EXOC4: variants seen among roughly 807,000 people sequenced by gnomAD.
EXOC4 encodes the protein exocyst complex component 4.
Under a neutral mutation model 107.2 loss-of-function variants are expected in EXOC4, and 71 were observed. The observed-to-expected ratio is 0.66, with a 90% CI of 0.55 to 0.81. EXOC4 has a LOEUF of 0.81. EXOC4 is among the 30% of genes least tolerant of loss of function. The probability of loss-of-function intolerance (pLI) is 0.00; values close to 1 mark genes in which losing one functional copy is unlikely to be tolerated. For synonymous variants in EXOC4, 456 were observed against 441.2 expected, an observed-to-expected ratio of 1.03 and a Z score of -0.42; for missense variants, 1,108 against 1,189.6, an observed-to-expected ratio of 0.93 and a Z score of 1.01.
chr7:133,453,208 T>C (rs1314290594), intron 7 of EXOC4, among the ~76,000 whole-genome samples: 2 of 152,250 alleles, frequency 1.3e-5, no homozygotes, highest in African/African-American at 2.4e-5. Context: ...ATATTTCTAC[T>C]TCTCACAGTA....
Position 133,871,791 on chromosome 7 carries a change from T to C in EXOC4, c.1735-23808T>C, listed in dbSNP as rs1048862212. Among the ~76,000 whole-genome samples, 3 of 152,198 alleles carry C rather than the reference T, an allele frequency of 2.0e-5. No individual in the cohort carries two copies. The South Asian group carries it at 6.2e-4, about 32-fold the overall frequency. On this transcript the variant is annotated intron_variant, in intron 11 of 17. Coordinates refer to ENST00000253861, the MANE Select transcript of EXOC4 (RefSeq NM_021807.4). ...TGTTACCTTGGGGTTGTTACTGAACTTTTTGTGCCTCAGTTTTATTATCTG... is the reference window on the plus strand; with the variant it reads ...TGTTACCTTGGGGTTGTTACTGAACCTTTTGTGCCTCAGTTTTATTATCTG...
chr7:133,374,753 T>C, intron 6 of EXOC4, 75 bp from the exon 7 acceptor site: 2 of 1,228,728 alleles, frequency 1.6e-6, no homozygotes, highest in Non-Finnish European at 2.3e-6. Flanking sequence ...TTTGATGTTT[T>C]TCTTGCAGGT....
At chr7:133,648,091 T>G (rs923842868) in intron 10 of EXOC4, among the ~76,000 whole-genome samples, 1 of 152,176 alleles carries the variant, frequency 6.6e-6, no homozygotes, top group African/African-American at 2.4e-5. Flanking sequence ...CTCGCATAAC[T>G]TAAGGACTTT....
intron 9 of EXOC4, among the ~76,000 whole-genome samples, chr7:133,499,269 A>C (rs1799534287): frequency 6.6e-6 from 1 of 152,152 alleles, no homozygotes; most frequent in East Asian, 1.9e-4. Flanking sequence ...GCAGTCAGGG[A>C]CCAAGTCAGT....
intron 7 of EXOC4, among the ~76,000 whole-genome samples, chr7:133,401,471 T>A (rs569117053): frequency 4.3e-4 from 65 of 151,998 alleles, no homozygotes; most frequent in African/African-American, 1.5e-3. Flanking sequence ...GACCAGCCTG[T>A]GCAATATACT....
chr7:133,393,125 CAGT>C (rs902978715), intron 7 of EXOC4, among the ~76,000 whole-genome samples: 5 of 152,148 alleles, frequency 3.3e-5, no homozygotes, highest in Non-Finnish European at 7.3e-5. Context: ...TGATATGCTC[CAGT>C]CCTCTGTCTT....
chr7:133,805,340 A>G (rs1394894200), intron 10 of EXOC4, among the ~76,000 whole-genome samples: 1 of 152,224 alleles, frequency 6.6e-6, no homozygotes, highest in Non-Finnish European at 1.5e-5. Context: ...CCACATGATC[A>G]TTATAAGAAA....
the EXOC4 span, among the ~76,000 whole-genome samples, chr7:134,086,419 G>C: frequency 1.2e-4 from 18 of 152,230 alleles, no homozygotes; most frequent in Non-Finnish European, 1.5e-4. Flanking sequence ...ATTCCTTTCA[G>C]GCTCTGTGCA....
intron 17 of EXOC4, among the ~76,000 whole-genome samples, chr7:134,063,015 C>G (rs1338815639): frequency 6.6e-6 from 1 of 152,234 alleles, no homozygotes; most frequent in Non-Finnish European, 1.5e-5. Context: ...TTGATTGTCA[C>G]AGTAATCTTC....
chr7:133,752,905 C>G (rs1208331328), intron 10 of EXOC4, among the ~76,000 whole-genome samples: 1 of 152,204 alleles, frequency 6.6e-6, no homozygotes, highest in African/African-American at 2.4e-5. Context: ...TTTGACCGCT[C>G]CACTGGCTCT....
chr7:133,310,354 C>T (rs1794843468), intron 4 of EXOC4, among the ~76,000 whole-genome samples: 1 of 152,110 alleles, frequency 6.6e-6, no homozygotes, highest in South Asian at 2.1e-4. Context: ...GAAACTGTGA[C>T]TTTAAGTGAA....
At chr7:133,450,081 A>G (rs1798307599) in intron 7 of EXOC4, among the ~76,000 whole-genome samples, 3 of 151,862 alleles carry the variant, frequency 2.0e-5, no homozygotes, top group Non-Finnish European at 4.4e-5. Context: ...CTCTTTAAAG[A>G]TTTCTTTTAC....
chr7:133,488,467 A>G (rs1799310970), intron 9 of EXOC4, among the ~76,000 whole-genome samples: 1 of 152,142 alleles, frequency 6.6e-6, no homozygotes, highest in Admixed American at 6.5e-5. Context: ...TACTATTTAA[A>G]ACACTAAAGA....
intron 8 of EXOC4, 24 bp downstream of exon 8, chr7:133,475,497 A>C (rs747288358): frequency 6.2e-7 from 1 of 1,606,404 alleles, no homozygotes; most frequent in Admixed American, 1.7e-5. Flanking sequence ...TGCTGTTAAT[A>C]GGTTTTAAGA....
chr7:134,049,430 G>A (rs978244135), intron 17 of EXOC4, among the ~76,000 whole-genome samples: 2 of 152,260 alleles, frequency 1.3e-5, no homozygotes, highest in Admixed American at 1.3e-4. Context: ...ACTCCAGTGA[G>A]GAATAAACCA....
chr7:133,327,162 A>C (rs1170251898), intron 5 of EXOC4, among the ~76,000 whole-genome samples: 1 of 152,202 alleles, frequency 6.6e-6, no homozygotes, highest in Admixed American at 6.5e-5. Context: ...TTCCCGAGTG[A>C]GGCGATGCTT....
chr7:133,356,134 G>T (rs1796015023), intron 5 of EXOC4, among the ~76,000 whole-genome samples, 196 bp from the exon 6 acceptor site: 2 of 152,154 alleles, frequency 1.3e-5, no homozygotes, highest in African/African-American at 4.8e-5. Flanking sequence ...ATTACTAACT[G>T]ATGGGTATGA....
chr7:133,964,247 G>A (rs923794915), intron 14 of EXOC4, among the ~76,000 whole-genome samples: 1 of 152,052 alleles, frequency 6.6e-6, no homozygotes, highest in African/African-American at 2.4e-5. Context: ...AGTTCGTTAT[G>A]TCAGAGTCAC....
At chr7:133,721,744 C>T (rs1329422513) in intron 10 of EXOC4, among the ~76,000 whole-genome samples, 1 of 152,124 alleles carries the variant, frequency 6.6e-6, no homozygotes, top group Admixed American at 6.5e-5. Flanking sequence ...GTGTCATGAA[C>T]AGAGGCACAG....
Sources: gnomAD v4.1 joint callset for allele counts (sites outside exome capture counted in the v4.1 genomes callset) on GRCh38, gnomAD v4.1.1 for gene constraint, MANE v1.5 for transcripts, NCBI Gene and HGNC (gene_info 2026-07-23, HGNC 2026-07-21) for gene names.